PCYT1B: variants seen among roughly 807,000 people sequenced by gnomAD.
PCYT1B encodes choline-phosphate cytidylyltransferase B.
A neutral mutation model predicts 26.4 loss-of-function variants in PCYT1B; 10 were observed. That is an observed-to-expected ratio of 0.38 (90% confidence interval 0.23 to 0.64). The LOEUF is 0.64. PCYT1B is among the 30% of genes least tolerant of loss of function. PCYT1B has a pLI of 0.56. For missense variants in PCYT1B, 161 were observed against 292.7 expected (o/e 0.55, Z 3.28); for synonymous variants, 131 against 108.4 (o/e 1.21, Z -1.29).
intron 1 of PCYT1B, among the ~76,000 whole-genome samples, chrX:24,658,506 C>CT (rs1203809740): frequency 0.038 from 2,221 of 58,820 alleles, 113 homozygotes; most frequent in African/African-American, 0.1. Context: ...TGTTTCATTG[C>CT]TTTTTTTTTT....
At chrX:24,631,492 T>C (rs994661543) in intron 1 of PCYT1B, among the ~76,000 whole-genome samples, 1 of 111,543 alleles carries the variant, frequency 9.0e-6, no homozygotes, top group Non-Finnish European at 1.9e-5. Context: ...TGTCATTTTG[T>C]TCGATGACCT....
At position 24,608,238 on chromosome X, in the gene PCYT1B, G is replaced by T. The variant is rs372552173; in HGVS notation, c.218-377C>A. Among the ~76,000 whole-genome samples the T allele has an allele frequency of 1.2e-4, 13 of 111,079 alleles. No homozygotes were observed. The East Asian group carries it at 2.8e-3, about 24-fold the overall frequency. ...GCAAATGGCTTCATCCTTGGGTGTG[G>T]CAGTCCTGAATGAAGACCCCAAGTC... On this transcript the variant is annotated intron_variant, in intron 2 of 7. Coordinates refer to ENST00000379144, the MANE Select transcript of PCYT1B (RefSeq NM_004845.5).
At chrX:24,576,328 G>A (rs142880451) in intron 6 of PCYT1B, among the ~76,000 whole-genome samples, 296 of 111,579 alleles carry the variant, frequency 2.7e-3, no homozygotes, top group African/African-American at 9.1e-3. Flanking sequence ...TTTTGAAATG[G>A]AGTCTCGCTC....
intron 1 of PCYT1B, among the ~76,000 whole-genome samples, chrX:24,627,151 G>T (rs1362241322): frequency 8.9e-6 from 1 of 112,048 alleles, no homozygotes; most frequent in East Asian, 2.8e-4. Flanking sequence ...GCATGAACAT[G>T]CCTGGCTTCT....
intron 3 of PCYT1B, among the ~76,000 whole-genome samples, chrX:24,600,571 C>A (rs1384165045): frequency 9.0e-6 from 1 of 110,955 alleles, no homozygotes; most frequent in African/African-American, 3.3e-5. Context: ...GTGGGTTTTA[C>A]CTCCAGGAGC....
chrX:24,568,266 C>T (rs1923700351), intron 7 of PCYT1B, among the ~76,000 whole-genome samples: 2 of 112,105 alleles, frequency 1.8e-5, no homozygotes, highest in African/African-American at 3.2e-5. Flanking sequence ...GGTGCGATGG[C>T]TCATGCCTAT....
At chrX:24,658,202 C>T (rs1926963200) in intron 1 of PCYT1B, 2 of 112,065 alleles carry the variant, frequency 1.8e-5, no homozygotes, top group African/African-American at 6.5e-5. Context: ...TTACAATCAT[C>T]GGACTTTATA....
chrX:24,654,963 A>G (rs1926875491), intron 1 of PCYT1B, among the ~76,000 whole-genome samples: 1 of 110,706 alleles, frequency 9.0e-6, no homozygotes, highest in Non-Finnish European at 1.9e-5. Context: ...AGTACAGGAA[A>G]ATACTCTACC....
intron 5 of PCYT1B, among the ~76,000 whole-genome samples, chrX:24,580,918 T>C (rs1439753475): frequency 1.8e-5 from 2 of 111,425 alleles, no homozygotes; most frequent in African/African-American, 6.5e-5. Flanking sequence ...AAAAAGGTGA[T>C]TGGACATGAT....
chrX:24,667,716 CA>C (rs760826061), intron 1 of PCYT1B, among the ~76,000 whole-genome samples: 2,681 of 96,719 alleles, frequency 0.028, 90 homozygotes, highest in African/African-American at 0.094. Flanking sequence ...GACTCCATCT[CA>C]AAAAAAAAAA....
At chrX:24,653,905 C>T (rs1235393231) in intron 1 of PCYT1B, among the ~76,000 whole-genome samples, 1 of 107,442 alleles carries the variant, frequency 9.3e-6, no homozygotes, top group Non-Finnish European at 1.9e-5. Context: ...CAGGCACACA[C>T]CACCACACCC....
At chrX:24,638,273 A>G (rs1224644406) in intron 1 of PCYT1B, among the ~76,000 whole-genome samples, 1 of 111,647 alleles carries the variant, frequency 9.0e-6, no homozygotes, top group East Asian at 2.8e-4. Context: ...GGCCCTGCAC[A>G]CTATTACACA....
upstream of PCYT1B, chrX:24,650,041 G>T (rs921699926): frequency 1.8e-5 from 2 of 112,083 alleles, no homozygotes; most frequent in African/African-American, 6.5e-5. Flanking sequence ...GCAGAAATAG[G>T]CTCTTTCAGG....
chrX:24,591,435 T>G (rs969192179), intron 3 of PCYT1B, among the ~76,000 whole-genome samples: 1 of 110,818 alleles, frequency 9.0e-6, no homozygotes, highest in East Asian at 2.8e-4. Context: ...TTCACTAATT[T>G]TTTTTTGAGA....
At chrX:24,634,510 G>A (rs1422373400) in intron 1 of PCYT1B, among the ~76,000 whole-genome samples, 3 of 111,564 alleles carry the variant, frequency 2.7e-5, no homozygotes, top group Non-Finnish European at 3.8e-5. Flanking sequence ...CACTTTGAGA[G>A]GCTGAGGCAG....
At chrX:24,593,547 C>G (rs1924675224) in intron 3 of PCYT1B, among the ~76,000 whole-genome samples, 1 of 98,958 alleles carries the variant, frequency 1.0e-5, no homozygotes. Context: ...TTGTTTTGGA[C>G]ACAGAGTCTC....
intron 1 of PCYT1B, among the ~76,000 whole-genome samples, chrX:24,631,250 C>A (rs1926082629): frequency 9.0e-6 from 1 of 111,675 alleles, no homozygotes; most frequent in African/African-American, 3.3e-5. Context: ...ATGTTTGTCT[C>A]CATAGTGCCT....
intron 1 of PCYT1B, among the ~76,000 whole-genome samples, chrX:24,659,265 C>T (rs1446803649): frequency 8.9e-6 from 1 of 112,125 alleles, no homozygotes; most frequent in Non-Finnish European, 1.9e-5. Context: ...TTTATTAAGG[C>T]CCTATAAATA....
chrX:24,595,117 C>T (rs1227370061), intron 3 of PCYT1B, among the ~76,000 whole-genome samples: 1 of 108,973 alleles, frequency 9.2e-6, no homozygotes, highest in African/African-American at 3.3e-5. Context: ...CTTTTCCCTG[C>T]CCCCTACTCC....
Sources: allele counts gnomAD v4.1 joint callset (sites outside exome capture counted in the v4.1 genomes callset), GRCh38; gene constraint gnomAD v4.1.1; transcripts MANE v1.5; gene names NCBI Gene and HGNC (gene_info 2026-07-23, HGNC 2026-07-21).